The following SPMAP2L variants were observed in gnomAD, a reference collection of about 807,000 sequenced individuals.
SPMAP2L encodes the protein sperm microtubule associated protein 2 like, also known as sperm microtubule associated protein 2-like.
At chr4:56,605,688 C>T in the SPMAP2L span, among the ~76,000 whole-genome samples, 489 of 152,252 alleles carry the variant, frequency 3.2e-3, 4 homozygotes, top group African/African-American at 0.011. Flanking sequence ...GCTCCTCACC[C>T]AACCCCCTTT....
chr4:56,568,080 G>A, the SPMAP2L span, among the ~76,000 whole-genome samples: 4 of 151,892 alleles, frequency 2.6e-5, no homozygotes, highest in East Asian at 1.9e-4. Flanking sequence ...TGTAATGTTT[G>A]TCTCACCCAG....
chr4:56,622,065 A>G, the SPMAP2L span, among the ~76,000 whole-genome samples: 1 of 152,256 alleles, frequency 6.6e-6, no homozygotes, highest in Non-Finnish European at 1.5e-5. Context: ...GATGTTAATA[A>G]GAGAAATTGG....
chr4:56,560,850 A>G, the SPMAP2L span, among the ~76,000 whole-genome samples: 2 of 152,094 alleles, frequency 1.3e-5, no homozygotes, highest in South Asian at 2.1e-4. Flanking sequence ...GGTTCAAGTA[A>G]TTCTCTTGCC....
the SPMAP2L span, among the ~76,000 whole-genome samples, chr4:56,577,543 G>A: frequency 3.3e-5 from 5 of 152,050 alleles, no homozygotes; most frequent in African/African-American, 9.6e-5. Flanking sequence ...CAGAGATTGC[G>A]CCACTGTACT....
chr4:56,588,619 TG>T, the SPMAP2L span, among the ~76,000 whole-genome samples: 2 of 151,986 alleles, frequency 1.3e-5, no homozygotes, highest in Admixed American at 1.3e-4. Context: ...TTAGTAGAGA[TG>T]GGGTTTCTCT....
chr4:56,540,938 C>T, the SPMAP2L span, among the ~76,000 whole-genome samples: 1 of 152,322 alleles, frequency 6.6e-6, no homozygotes, highest in Admixed American at 6.5e-5. Flanking sequence ...AGTCATGGCT[C>T]CAGTTGCATC....
At chr4:56,594,490 C>G in the SPMAP2L span, 2 of 1,606,666 alleles carry the variant, frequency 1.2e-6, no homozygotes, top group Non-Finnish European at 1.7e-6. Flanking sequence ...ATGACCAGGT[C>G]TGTTTCCAGC....
At chr4:56,561,240 C>T in the SPMAP2L span, among the ~76,000 whole-genome samples, 2 of 152,094 alleles carry the variant, frequency 1.3e-5, no homozygotes, top group Non-Finnish European at 2.9e-5. Flanking sequence ...GATTAATCTT[C>T]TTTCTAGAAA....
chr4:56,607,474 T>G, the SPMAP2L span, among the ~76,000 whole-genome samples: 1 of 151,970 alleles, frequency 6.6e-6, no homozygotes, highest in Non-Finnish European at 1.5e-5. Flanking sequence ...GTACCAGGAG[T>G]GGAGTACTGT....
chr4:56,562,306 T>G, the SPMAP2L span, among the ~76,000 whole-genome samples: 4 of 152,080 alleles, frequency 2.6e-5, no homozygotes, highest in African/African-American at 9.7e-5. Context: ...CTATGATTTC[T>G]TCCAGAAAAA....
At chr4:56,554,807 T>C in the SPMAP2L span, among the ~76,000 whole-genome samples, 1 of 152,138 alleles carries the variant, frequency 6.6e-6, no homozygotes, top group African/African-American at 2.4e-5. Context: ...TATTTTTGTG[T>C]TTTATATTTA....
chr4:56,551,917 C>T, the SPMAP2L span, among the ~76,000 whole-genome samples: 4 of 152,158 alleles, frequency 2.6e-5, no homozygotes, highest in Non-Finnish European at 2.9e-5. Flanking sequence ...GTGGAAGAGA[C>T]GCACTAGCTC....
At chr4:56,558,472 T>G in the SPMAP2L span, among the ~76,000 whole-genome samples, 43 of 152,198 alleles carry the variant, frequency 2.8e-4, no homozygotes, top group African/African-American at 9.4e-4. Flanking sequence ...AGTTTATATA[T>G]TTACTTGTGG....
At chr4:56,601,422 C>T in the SPMAP2L span, among the ~76,000 whole-genome samples, 1 of 152,032 alleles carries the variant, frequency 6.6e-6, no homozygotes, top group Non-Finnish European at 1.5e-5. Context: ...AGTTGGAGAC[C>T]ACCCTGGGGA....
the SPMAP2L span, among the ~76,000 whole-genome samples, chr4:56,580,677 G>A: frequency 2.0e-5 from 3 of 151,384 alleles, no homozygotes; most frequent in Admixed American, 1.3e-4. Context: ...CATCCAGATC[G>A]GATAGAGAGA....
At chr4:56,544,660 G>A in the SPMAP2L span, among the ~76,000 whole-genome samples, 2 of 151,980 alleles carry the variant, frequency 1.3e-5, no homozygotes, top group Non-Finnish European at 2.9e-5. Context: ...TCGAGTTGCT[G>A]GGCTCCGCTA....
the SPMAP2L span, among the ~76,000 whole-genome samples, chr4:56,612,951 C>T: frequency 2.6e-5 from 4 of 152,276 alleles, no homozygotes; most frequent in South Asian, 8.3e-4. Context: ...AAAATCTTTC[C>T]TTTATTTCCA....
At chr4:56,617,890 G>A in the SPMAP2L span, among the ~76,000 whole-genome samples, 11 of 152,242 alleles carry the variant, frequency 7.2e-5, no homozygotes, top group South Asian at 2.1e-4. Context: ...TGACTGCTCC[G>A]TCCAAATTCT....
the SPMAP2L span, among the ~76,000 whole-genome samples, chr4:56,566,881 G>C: frequency 6.6e-6 from 1 of 151,478 alleles, no homozygotes; most frequent in Non-Finnish European, 1.5e-5. Context: ...ATTTTTAGTA[G>C]AGACAGGGTT....
Sources: gnomAD v4.1 joint callset for allele counts (sites outside exome capture counted in the v4.1 genomes callset) on GRCh38, gnomAD v4.1.1 for gene constraint, MANE v1.5 for transcripts, NCBI Gene and HGNC (gene_info 2026-07-23, HGNC 2026-07-21) for gene names.